BANP: variants seen among roughly 807,000 people sequenced by gnomAD.
BANP encodes protein BANP.
A neutral mutation model predicts 68.1 loss-of-function variants in BANP; 11 were observed. That is an observed-to-expected ratio of 0.16 (90% CI 0.10 to 0.27). The LOEUF is 0.27. Among genes scored for constraint, BANP ranks in the 10% least tolerant of loss-of-function variants. The probability of loss-of-function intolerance (pLI) is 1.00; values close to 1 mark genes in which losing one functional copy is unlikely to be tolerated. For missense variants in BANP, 504 were observed against 722.7 expected (o/e 0.70, Z 3.47); for synonymous variants, 329 against 303.2 (o/e 1.09, Z -0.88).
intron 10 of BANP, 28 bp from the exon 11 acceptor site, chr16:88,037,945 G>A: frequency 6.2e-7 from 1 of 1,611,870 alleles, no homozygotes; most frequent in African/African-American, 1.3e-5. Context: ...TTCTACTCAT[G>A]ACCGTCTCCT....
At chr16:88,037,631 A>G in intron 10 of BANP, 2 of 316,962 alleles carry the variant, frequency 6.3e-6, no homozygotes, top group South Asian at 3.1e-5. Flanking sequence ...TGGGCGACAC[A>G]CACATAGGAC....
intron 11 of BANP, among the ~76,000 whole-genome samples, chr16:88,059,577 G>A (rs1411848700): frequency 6.6e-6 from 1 of 152,082 alleles, no homozygotes; most frequent in Non-Finnish European, 1.5e-5. Flanking sequence ...TACCATCTTC[G>A]GCAGAATGAT....
In BANP at chr16:88,072,099, G is replaced by T; in HGVS notation, c.1408G>T (p.Ala470Ser). 1 of 1,599,382 alleles carries T rather than the reference G, an allele frequency of 6.3e-7. No individual in the cohort carries two copies. The highest frequency in any genetic ancestry group is 8.5e-7 in the Non-Finnish European group (1 of 1,174,610). ...VLQGAQLIAV[A>S]SSDPAAAGVD... ...GCAGGGTGCACAGCTGATCGCCGTG[G>T]CCTCCTCGGACCCCGCGGCGGCGGG... Residue 470 changes from alanine to serine, a missense_variant, in exon 13 of 14, where the codon GCC becomes TCC. Around this residue, in one of 3 missense-constraint regions of BANP, gnomAD observed 223 missense variants for 246.2 expected, o/e 0.91. Transcript: ENST00000682872.
chr16:88,052,530 C>A (rs2083484993), intron 11 of BANP, among the ~76,000 whole-genome samples: 1 of 151,990 alleles, frequency 6.6e-6, no homozygotes, highest in Non-Finnish European at 1.5e-5. Context: ...ACATTGCCTG[C>A]AGATCCCCCA....
chr16:87,955,452 CT>C (rs1439665811), intron 1 of BANP, among the ~76,000 whole-genome samples: 3 of 152,336 alleles, frequency 2.0e-5, no homozygotes, highest in African/African-American at 4.8e-5. Context: ...TCTGCTTCCC[CT>C]GATGTTGACG....
At chr16:88,001,758 T>C (rs986716095) in intron 4 of BANP, among the ~76,000 whole-genome samples, 3 of 152,214 alleles carry the variant, frequency 2.0e-5, no homozygotes, top group Admixed American at 6.5e-5. Flanking sequence ...TCGAATGTTA[T>C]GTCACTTTTC....
chr16:88,050,847 C>T (rs1169986035), intron 11 of BANP, among the ~76,000 whole-genome samples: 1 of 149,560 alleles, frequency 6.7e-6, no homozygotes, highest in Non-Finnish European at 1.5e-5. Flanking sequence ...ACCACCACGA[C>T]CTGCTAATTT....
chr16:88,061,386 G>C (rs2086741220), intron 11 of BANP, among the ~76,000 whole-genome samples: 1 of 152,264 alleles, frequency 6.6e-6, no homozygotes, highest in African/African-American at 2.4e-5. Context: ...GCTTGTGTGT[G>C]CTGTTTCTTT....
chr16:88,044,779 C>G (rs563303408), intron 11 of BANP, among the ~76,000 whole-genome samples: 1 of 152,138 alleles, frequency 6.6e-6, no homozygotes, highest in Non-Finnish European at 1.5e-5. Flanking sequence ...GTCAGGAGAT[C>G]GAGACCATGC....
chr16:87,998,392 G>C (rs1262408388), intron 4 of BANP, among the ~76,000 whole-genome samples: 1 of 152,220 alleles, frequency 6.6e-6, no homozygotes, highest in Non-Finnish European at 1.5e-5. Flanking sequence ...GCCTTGAATA[G>C]GTTAATAGCT....
intron 13 of BANP, 135 bp from the exon 14 acceptor site, chr16:88,076,455 G>A: frequency 2.9e-6 from 2 of 699,218 alleles, no homozygotes; most frequent in Non-Finnish European, 4.6e-6. Context: ...TGAGCCTTGG[G>A]GCCGTCAGGG....
At chr16:87,958,748 G>A (rs1246209912) in intron 1 of BANP, among the ~76,000 whole-genome samples, 1 of 152,160 alleles carries the variant, frequency 6.6e-6, no homozygotes, top group African/African-American at 2.4e-5. Flanking sequence ...GCTTGCTTAG[G>A]GGTGACTGTG....
intron 13 of BANP, among the ~76,000 whole-genome samples, chr16:88,073,918 G>T (rs2091019937): frequency 6.6e-6 from 1 of 152,232 alleles, no homozygotes; most frequent in Non-Finnish European, 1.5e-5. Context: ...ATTTAATTAG[G>T]ATCCATCGTA....
At chr16:88,068,468 T>A (rs932339050) in intron 12 of BANP, among the ~76,000 whole-genome samples, 7 of 152,188 alleles carry the variant, frequency 4.6e-5, no homozygotes, top group Admixed American at 3.3e-4. Flanking sequence ...CAGCTTGCTT[T>A]ATTCACAGCC....
At chr16:87,973,087 G>A (rs183128328) in intron 1 of BANP, among the ~76,000 whole-genome samples, 80 of 152,190 alleles carry the variant, frequency 5.3e-4, no homozygotes, top group African/African-American at 1.9e-3. Context: ...TGTTGTCGGT[G>A]TTGACTTGGA....
chr16:87,962,142 A>G lies in BANP; in HGVS notation c.-69+10627A>G, dbSNP rs183482239. Among the ~76,000 whole-genome samples, 462 of 150,826 alleles carry G rather than the reference A, an allele frequency of 3.1e-3. 1 individual carries two copies. The highest frequency in any genetic ancestry group is 0.011 in the African/African-American group (443 of 41,020). ...GTAATCCCAGCTACTCTGGAGGCTG[A>G]GGCAGGAGAATCACTTGAACCCGGG... On this transcript the variant is annotated intron_variant, in intron 1 of 13. Coordinates refer to ENST00000682872, the MANE Select transcript of BANP (RefSeq NM_001386991.1).
intron 4 of BANP, among the ~76,000 whole-genome samples, chr16:87,998,138 A>C (rs927202618): frequency 6.6e-6 from 1 of 152,168 alleles, no homozygotes; most frequent in African/African-American, 2.4e-5. Context: ...CGTGTCCCAA[A>C]CAGTCTTCAC....
chr16:88,004,406 T>C lies in BANP; in HGVS notation c.474T>C (p.Ile158=), dbSNP rs1567722561. ...NRAPDSLENV[I]SNAVPGRRQN... ...CACCGGATTCCCTGGAAAATGTCAT[T>C]AGCAAGTCAGTAGCACGGCACCAAC... The change falls in exon 5 of 14, where the codon ATT becomes ATC. Residue 158 remains isoleucine, a synonymous_variant. Coordinates refer to ENST00000682872, the MANE Select transcript of BANP (RefSeq NM_001386991.1). This position sits in a 1 kb window ranked among gnomAD's most constrained non-coding sequence, Gnocchi z 7.0. 4.0e-6 allele frequency: 6 copies of C among 1,516,904 alleles called. No homozygotes were observed. Among genetic ancestry groups the C allele is most frequent in the Non-Finnish European group, 5.4e-6 (6 of 1,118,778 alleles). The allele number at this position is 1,516,904 out of a possible 1,614,324, so 94.0% of individuals were successfully genotyped here. A position where few individuals can be genotyped will look rare whatever the true frequency, so the allele number is the denominator to read the frequency against.
At chr16:88,031,246 A>T (rs548416172) in intron 8 of BANP, among the ~76,000 whole-genome samples, 1 of 152,226 alleles carries the variant, frequency 6.6e-6, no homozygotes, top group Non-Finnish European at 1.5e-5. Flanking sequence ...AGCTCTCCAC[A>T]TGCAGCATGC....
Sources: allele counts gnomAD v4.1 joint callset (sites outside exome capture counted in the v4.1 genomes callset), GRCh38; gene constraint gnomAD v4.1.1; regional missense constraint gnomAD v4.1.1; non-coding constraint Gnocchi (gnomAD v3.1); transcripts MANE v1.5; gene names NCBI Gene and HGNC (gene_info 2026-07-23, HGNC 2026-07-21).